Variants in PCDH15 observed in about 807,000 individuals in gnomAD.
PCDH15 encodes the protein protocadherin related 15.
A neutral mutation model predicts 178.5 loss-of-function variants in PCDH15; 129 were observed. The ratio of observed to expected loss-of-function variants is 0.72; its 90% confidence interval spans 0.63 to 0.84. PCDH15 has a LOEUF of 0.84. Ranked by LOEUF, PCDH15 falls within the 40% of genes least tolerant of loss-of-function variation. PCDH15 has a pLI of 0.00. For synonymous variants in PCDH15, 800 were observed against 732.0 expected (o/e 1.09, Z -1.50); for missense variants, 2,230 against 2,099.9 (o/e 1.06, Z -1.21).
chr10:54,303,430 A>G (rs1349391783), intron 8 of PCDH15, among the ~76,000 whole-genome samples: 3 of 152,074 alleles, frequency 2.0e-5, no homozygotes, highest in African/African-American at 2.4e-5. Flanking sequence ...ATGTGTATAT[A>G]TATGCATATA....
intron 2 of PCDH15, among the ~76,000 whole-genome samples, chr10:55,136,426 C>T (rs946792315): frequency 1.3e-5 from 2 of 151,856 alleles, no homozygotes; most frequent in African/African-American, 4.8e-5. Flanking sequence ...ATATTTCCGC[C>T]TATGGATATT....
intron 2 of PCDH15, among the ~76,000 whole-genome samples, chr10:54,632,976 G>A (rs771064572): frequency 2.0e-5 from 3 of 152,000 alleles, no homozygotes; most frequent in Non-Finnish European, 4.4e-5. Flanking sequence ...ATATTAAAAA[G>A]AAACAATGAA....
At chr10:55,361,772 C>G (rs190345368) in intron 2 of PCDH15, among the ~76,000 whole-genome samples, 51 of 152,110 alleles carry the variant, frequency 3.4e-4, no homozygotes, top group Admixed American at 7.9e-4. Flanking sequence ...TCAAGCCTTA[C>G]TATCAGACCA....
intron 6 of PCDH15, among the ~76,000 whole-genome samples, chr10:54,338,614 A>C (rs182620850): frequency 3.9e-5 from 6 of 152,198 alleles, no homozygotes; most frequent in African/African-American, 1.4e-4. Flanking sequence ...CAATTTACTC[A>C]GGAGGACTTG....
rs529570731 is a variant in PCDH15, at chr10:54,247,152, C to T, written c.877-10221G>A. Among the ~76,000 whole-genome samples, 429 of 151,654 alleles carry T rather than the reference C, an allele frequency of 2.8e-3. 2 individuals carry two copies. Among genetic ancestry groups the T allele is most frequent in the South Asian group, 7.5e-3 (36 of 4,806 alleles). On this transcript the variant is annotated intron_variant, in intron 8 of 37. Coordinates refer to ENST00000644397, the MANE Select transcript of PCDH15 (RefSeq NM_001384140.1). ...TAATTTTAATATAGTTTTATTTATC[C>T]CTTTCTCTTTCCATATATACCTGGC...
intron 2 of PCDH15, among the ~76,000 whole-genome samples, chr10:54,539,743 GA>G (rs1307739875): frequency 6.6e-6 from 1 of 152,008 alleles, no homozygotes; most frequent in Non-Finnish European, 1.5e-5. Flanking sequence ...AAGCAAGTTG[GA>G]AAAAATCCAA....
At chr10:54,820,283 C>G (rs964983091) in intron 3 of PCDH15, among the ~76,000 whole-genome samples, 9 of 151,974 alleles carry the variant, frequency 5.9e-5, no homozygotes, top group African/African-American at 1.9e-4. Flanking sequence ...CTATGTTCTA[C>G]ATGAAATGAA....
intron 2 of PCDH15, among the ~76,000 whole-genome samples, chr10:55,558,574 A>T (rs996721636): frequency 6.6e-6 from 1 of 152,160 alleles, no homozygotes; most frequent in Non-Finnish European, 1.5e-5. Flanking sequence ...TATAAAAATA[A>T]TGTATAATGC....
At chr10:53,964,860 G>T (rs966647905) in intron 21 of PCDH15, among the ~76,000 whole-genome samples, 2 of 152,058 alleles carry the variant, frequency 1.3e-5, no homozygotes, top group Non-Finnish European at 2.9e-5. Context: ...GTGAAAGAGT[G>T]GGGGTTTAGC....
chr10:54,153,117 A>G lies in PCDH15; in HGVS notation c.1767T>C (p.Ala589=). 1 of 1,613,798 alleles carries G rather than the reference A, an allele frequency of 6.2e-7. No homozygotes were observed. Among genetic ancestry groups the G allele is most frequent in the Non-Finnish European group, 8.5e-7 (1 of 1,179,840 alleles). Residue 589 remains alanine (A), a synonymous_variant, in exon 14 of 38, where the codon GCT becomes GCC. Coordinates refer to ENST00000644397, the MANE Select transcript of PCDH15 (RefSeq NM_001384140.1). ...TAAATTACCTTCGCTCTGCAGGAGG[A>G]GCATTATCCGCTGCTTGGACCGTGA... ...YALTVQAADN[A]PPAERRNSIC...
intron 8 of PCDH15, among the ~76,000 whole-genome samples, chr10:54,243,965 C>T (rs559761871): frequency 1.1e-4 from 17 of 152,198 alleles, no homozygotes; most frequent in African/African-American, 4.1e-4. Context: ...CAAAGTTCCT[C>T]AAATGGTTTT....
intron 1 of PCDH15, among the ~76,000 whole-genome samples, chr10:55,205,758 C>T (rs1438196831): frequency 6.6e-6 from 1 of 151,886 alleles, no homozygotes; most frequent in Non-Finnish European, 1.5e-5. Flanking sequence ...TTTTACCTTC[C>T]GTATTAGCCG....
intron 8 of PCDH15, among the ~76,000 whole-genome samples, chr10:54,296,269 T>C (rs2059781150): frequency 6.6e-6 from 1 of 152,022 alleles, no homozygotes; most frequent in African/African-American, 2.4e-5. Flanking sequence ...AGCATTGATT[T>C]GCCTGGAACC....
chr10:54,078,257 C>A (rs1590275055), intron 17 of PCDH15, among the ~76,000 whole-genome samples: 1 of 151,912 alleles, frequency 6.6e-6, no homozygotes, highest in Admixed American at 6.6e-5. Flanking sequence ...GGACAGACTG[C>A]AATTACCAAA....
At chr10:53,961,201 T>G (rs2088267847) in intron 22 of PCDH15, among the ~76,000 whole-genome samples, 2 of 152,020 alleles carry the variant, frequency 1.3e-5, no homozygotes, top group Non-Finnish European at 2.9e-5. Flanking sequence ...CAAGGGGTAT[T>G]TTTTTCAAAT....
At chr10:55,297,938 C>T (rs1435327819) in intron 1 of PCDH15, among the ~76,000 whole-genome samples, 1 of 152,040 alleles carries the variant, frequency 6.6e-6, no homozygotes, top group East Asian at 1.9e-4. Flanking sequence ...GTGAAACTGA[C>T]CATTCTAGAA....
At chr10:54,361,410 T>C (rs1946026822) in intron 5 of PCDH15, among the ~76,000 whole-genome samples, 1 of 152,114 alleles carries the variant, frequency 6.6e-6, no homozygotes, top group Admixed American at 6.6e-5. Context: ...CTGGATATAA[T>C]TAGAAAGCTC....
At chr10:55,033,274 G>A (rs1414117729) in intron 2 of PCDH15, among the ~76,000 whole-genome samples, 2 of 152,086 alleles carry the variant, frequency 1.3e-5, no homozygotes, top group East Asian at 1.9e-4. Context: ...GTGGCAGCAG[G>A]GCCGCTCGAG....
At chr10:54,292,954 G>GA (rs1469878100) in intron 8 of PCDH15, among the ~76,000 whole-genome samples, 3 of 151,726 alleles carry the variant, frequency 2.0e-5, no homozygotes, top group African/African-American at 4.8e-5. Flanking sequence ...CACAGAATTG[G>GA]AAAAAAACTA....
Sources: gnomAD v4.1 joint callset for allele counts (sites outside exome capture counted in the v4.1 genomes callset) on GRCh38, gnomAD v4.1.1 for gene constraint, MANE v1.5 for transcripts, NCBI Gene and HGNC (gene_info 2026-07-23, HGNC 2026-07-21) for gene names.